The following ABL1 variants were observed in gnomAD, a reference collection of about 807,000 sequenced individuals.
The protein encoded by ABL1 is ABL proto-oncogene 1, non-receptor tyrosine kinase.
ABL1 carries 11 observed loss-of-function variants against 94.7 expected under a neutral mutation model. The ratio of observed to expected loss-of-function variants is 0.12; its 90% confidence interval spans 0.07 to 0.19. ABL1 has a LOEUF of 0.19. ABL1 is among the 10% of genes least tolerant of loss of function. The probability of loss-of-function intolerance (pLI) is 1.00; values close to 1 mark genes in which losing one functional copy is unlikely to be tolerated. For missense variants in ABL1, 1,082 were observed against 1,489.4 expected (o/e 0.73, Z 4.50); for synonymous variants, 656 against 622.4 (o/e 1.05, Z -0.80).
In ABL1 at chr9:130,877,496, C is replaced by G. The variant is rs28660075; in HGVS notation, c.1271-919C>G. ...AAGAGTTAACATGGCCAGCTGACTT[C>G]CGGCGCCAGGTTCCTTCTACCACAT... On this transcript the variant is annotated intron_variant, in intron 7 of 10. Transcript: ENST00000318560. 8.0e-3 allele frequency among the ~76,000 whole-genome samples: 1,185 copies of G among 147,958 alleles called. 179 individuals are homozygous for G. Among genetic ancestry groups the G allele is most frequent in the African/African-American group, 0.029 (1,118 of 38,732 alleles).
chr9:130,867,905 G>A (rs112562663), intron 4 of ABL1, among the ~76,000 whole-genome samples: 82 of 150,848 alleles, frequency 5.4e-4, no homozygotes, highest in African/African-American at 1.9e-3. Flanking sequence ...AGTGTGAATC[G>A]CCTTCCTCAG....
At chr9:130,831,166 T>C (rs1352393873), upstream of ABL1, among the ~76,000 whole-genome samples, 1 of 152,192 alleles carries the variant, frequency 6.6e-6, no homozygotes, top group Non-Finnish European at 1.5e-5. Flanking sequence ...ATCTTTGCTG[T>C]TCCCCCCCTA....
intron 1 of ABL1, among the ~76,000 whole-genome samples, chr9:130,825,323 C>G (rs1009792851): frequency 6.6e-6 from 1 of 152,190 alleles, no homozygotes; most frequent in East Asian, 1.9e-4. Context: ...TCCCCCACCC[C>G]CAAATGTAAC....
At chr9:130,714,089 C>A in exon 1 of ABL1, 1 of 404,400 alleles carries the variant, frequency 2.5e-6, no homozygotes, top group African/African-American at 2.0e-5. Flanking sequence ...ATTGCAATTA[C>A]ATGAAATTGA....
Position 130,878,558 on chromosome 9 carries a change from A to G in ABL1, c.1414A>G (p.Met472Val). Residue 472 changes from methionine (M) to valine (V), a missense_variant, in exon 8 of 11, where the codon ATG (methionine) becomes GTG (valine). Physicochemically the swap from Met to Val is conservative, Grantham distance 21 (BLOSUM62 1). Around this residue, in one of 7 missense-constraint regions of ABL1, gnomAD observed 76 missense variants for 177.1 expected, o/e 0.43. Transcript: ENST00000318560. ...CTGCCCAGAGAAGGTCTATGAACTC[A>G]TGCGAGCATGTAAGCCTTCCTCAGC... ...EGCPEKVYEL[M>V]RACWQWNPSD... 1 of 1,614,148 alleles carries G rather than the reference A, an allele frequency of 6.2e-7. No homozygotes were observed. The highest frequency in any genetic ancestry group is 1.3e-5 in the African/African-American group (1 of 75,060).
rs376582443 is a variant in ABL1 at position 130,880,173 on chromosome 9, C to T, written c.1513+16C>T. On this transcript the variant is annotated intron_variant, in intron 9 of 10. Coordinates refer to ENST00000318560, the MANE Select transcript of ABL1 (RefSeq NM_005157.6). This position sits in a 1 kb window ranked among gnomAD's most constrained non-coding sequence, Gnocchi z 4.4. ...ATCTCAGACGGTAAAGTACCCATCC[C>T]GGGGTACCTGCAGTGGGGTGAAAGG... 148 of 1,609,800 alleles carry T rather than the reference C, an allele frequency of 9.2e-5. No individual in the cohort carries two copies. Among genetic ancestry groups the T allele is most frequent in the Admixed American group, 2.5e-4 (15 of 59,982 alleles).
chr9:130,747,937 T>C (rs984150973), intron 1 of ABL1, among the ~76,000 whole-genome samples: 12 of 152,336 alleles, frequency 7.9e-5, no homozygotes, highest in Middle Eastern at 3.4e-3. Flanking sequence ...CACTAGGTCA[T>C]ATGGTTAGTA....
chr9:130,750,189 ATACATATATATATAT>A (rs1831938035), intron 1 of ABL1, among the ~76,000 whole-genome samples: 1 of 69,812 alleles, frequency 1.4e-5, no homozygotes, highest in Admixed American at 2.0e-4. Flanking sequence ...GAAAAAAAAA[ATACATATATATATAT>A]ATATATATAT....
At chr9:130,717,892 A>G (rs1831464224) in intron 1 of ABL1, among the ~76,000 whole-genome samples, 1 of 152,122 alleles carries the variant, frequency 6.6e-6, no homozygotes, top group African/African-American at 2.4e-5. Context: ...ACATGCCTCT[A>G]ATCCCAGCTA....
intron 1 of ABL1, among the ~76,000 whole-genome samples, chr9:130,851,658 C>T (rs1830866594): frequency 6.6e-6 from 1 of 151,734 alleles, no homozygotes; most frequent in African/African-American, 2.4e-5. Context: ...TGAGGATCCT[C>T]TAAATCCATA....
chr9:130,787,302 C>A (rs1829841460), intron 1 of ABL1, among the ~76,000 whole-genome samples: 1 of 152,118 alleles, frequency 6.6e-6, no homozygotes, highest in Non-Finnish European at 1.5e-5. Context: ...GCTTTCTTAG[C>A]ATTGTGTGCT....
intron 1 of ABL1, among the ~76,000 whole-genome samples, chr9:130,850,330 ATGAT>A (rs1830836130): frequency 6.6e-6 from 1 of 151,918 alleles, no homozygotes; most frequent in East Asian, 1.9e-4. Context: ...ACAACAGTAA[ATGAT>A]TGGAATGAAT....
intron 1 of ABL1, among the ~76,000 whole-genome samples, chr9:130,782,950 A>G (rs1020686673): frequency 6.6e-6 from 1 of 152,230 alleles, no homozygotes; most frequent in East Asian, 1.9e-4. Flanking sequence ...TCTCTCTTAC[A>G]TAGAAACATT....
intron 10 of ABL1, among the ~76,000 whole-genome samples, chr9:130,883,093 A>G (rs1686411364): frequency 6.6e-6 from 1 of 152,188 alleles, no homozygotes; most frequent in African/African-American, 2.4e-5. Context: ...AGGCCAGGCA[A>G]GTCCCAGCCG....
At chr9:130,724,836 C>G (rs1393085653) in intron 1 of ABL1, 8 of 482,032 alleles carry the variant, frequency 1.7e-5, no homozygotes, top group Non-Finnish European at 2.9e-5. Context: ...GGTGTTGTTC[C>G]TTTATGGAAA....
chr9:130,831,711 C>T (rs752911059), upstream of ABL1, among the ~76,000 whole-genome samples: 2 of 151,998 alleles, frequency 1.3e-5, no homozygotes, highest in East Asian at 3.9e-4. Context: ...CAGGTTCAAG[C>T]GATTCTCCTG....
intron 1 of ABL1, among the ~76,000 whole-genome samples, chr9:130,719,990 G>A (rs1472052538): frequency 6.6e-6 from 1 of 152,202 alleles, no homozygotes; most frequent in South Asian, 2.1e-4. Flanking sequence ...TCAAATTTCA[G>A]TGGCTTGACT....
At chr9:130,859,410 C>T (rs1053664954) in intron 3 of ABL1, among the ~76,000 whole-genome samples, 6 of 152,254 alleles carry the variant, frequency 3.9e-5, no homozygotes, top group East Asian at 3.9e-4. Context: ...GCTCAGCAGG[C>T]GTAGGCCTCC....
At chr9:130,782,848 T>G (rs1829773713) in intron 1 of ABL1, among the ~76,000 whole-genome samples, 1 of 152,202 alleles carries the variant, frequency 6.6e-6, no homozygotes, top group Admixed American at 6.5e-5. Context: ...TATTGTTGTT[T>G]TTATTTTCTT....
Sources: gnomAD v4.1 joint callset for allele counts (sites outside exome capture counted in the v4.1 genomes callset) on GRCh38, gnomAD v4.1.1 for gene constraint, gnomAD v4.1.1 regional missense constraint, Gnocchi (gnomAD v3.1) non-coding constraint, MANE v1.5 for transcripts, NCBI Gene and HGNC (gene_info 2026-07-23, HGNC 2026-07-21) for gene names.